The following NRG4 variants were observed in gnomAD, a reference collection of about 807,000 sequenced individuals.
NRG4 encodes the protein pro-neuregulin-4, membrane-bound isoform.
Under a neutral mutation model 15.0 loss-of-function variants are expected in NRG4, and 10 were observed. That is an observed-to-expected ratio of 0.67 (90% CI 0.41 to 1.13). NRG4 has a LOEUF of 1.13. Among genes scored for constraint, NRG4 ranks in the 50% most tolerant of loss-of-function variants. NRG4 has a pLI of 0.00. For missense variants in NRG4, 139 were observed against 140.2 expected (o/e 0.99, Z 0.04); for synonymous variants, 41 against 50.1 (o/e 0.82, Z 0.77).
At position 76,050,437 on chromosome 15, in the gene NRG4, GTTTTTTT is replaced by G. The variant is rs71444951; in HGVS notation, c.-105+1623_-105+1629del. ...AGCATTATTGTCACCCCGAGCCTTC[GTTTTTTT>G]TTTTTTTTTTTTTTTGAAACGGAGT... On this transcript the variant is annotated intron_variant, in intron 4 of 8. Coordinates refer to the NRG4 transcript ENST00000563910. 4.6e-4 allele frequency among the ~76,000 whole-genome samples: 42 copies of G among 91,876 alleles called. 2 individuals are homozygous for G. Among genetic ancestry groups the G allele is most frequent in the Non-Finnish European group, 4.9e-4 (23 of 47,022 alleles). The allele number at this position is 91,876 out of a possible 152,430, so 60.3% of individuals were successfully genotyped here. A position where few individuals can be genotyped will look rare whatever the true frequency, so the allele number is the denominator to read the frequency against.
chr15:76,013,318 C>T (rs2034876087), upstream of NRG4, among the ~76,000 whole-genome samples: 1 of 151,484 alleles, frequency 6.6e-6, no homozygotes, highest in Admixed American at 6.6e-5. Flanking sequence ...CAGAGTGAGA[C>T]TCCGTCTCAA....
intron 4 of NRG4, among the ~76,000 whole-genome samples, chr15:75,958,847 T>A (rs1251288681): frequency 6.6e-6 from 1 of 152,222 alleles, no homozygotes; most frequent in East Asian, 1.9e-4. Flanking sequence ...GTCTCCTTTC[T>A]GAAACTTTGC....
intron 5 of NRG4, among the ~76,000 whole-genome samples, chr15:76,033,438 T>C (rs902584508): frequency 1.3e-5 from 2 of 152,174 alleles, no homozygotes; most frequent in African/African-American, 2.4e-5. Flanking sequence ...CATATAACCA[T>C]TATTTACTAA....
chr15:76,016,323 G>A (rs932669612), upstream of NRG4, among the ~76,000 whole-genome samples: 15 of 151,836 alleles, frequency 9.9e-5, no homozygotes, highest in African/African-American at 3.4e-4. Flanking sequence ...AGTGTTTTTC[G>A]TGTCTCTATC....
chr15:76,000,810 A>T (rs577521246), intron 3 of NRG4, among the ~76,000 whole-genome samples: 1 of 152,312 alleles, frequency 6.6e-6, no homozygotes, highest in East Asian at 1.9e-4. Context: ...GGCTAAATAC[A>T]TGATGGTATA....
chr15:75,950,824 CTTT>C (rs2141782011), intron 5 of NRG4: 1 of 152,916 alleles, frequency 6.5e-6, no homozygotes, highest in East Asian at 1.9e-4. Context: ...ATTGGATTGA[CTTT>C]TTATTATTGA....
chr15:76,015,775 G>A (rs912829187), upstream of NRG4, among the ~76,000 whole-genome samples: 2 of 152,084 alleles, frequency 1.3e-5, no homozygotes, highest in African/African-American at 2.4e-5. Context: ...TTTTCACATC[G>A]ATATTCATCA....
chr15:76,011,630 T>A (rs1454200061), intron 1 of NRG4, among the ~76,000 whole-genome samples: 2 of 152,168 alleles, frequency 1.3e-5, no homozygotes, highest in Admixed American at 6.5e-5. Flanking sequence ...ACATGAACGA[T>A]GAGACAGTAA....
chr15:76,031,707 T>G (rs2035476449), intron 5 of NRG4, among the ~76,000 whole-genome samples: 1 of 151,734 alleles, frequency 6.6e-6, no homozygotes, highest in African/African-American at 2.4e-5. Flanking sequence ...CTCCAAAGAT[T>G]AGCTGGATGT....
chr15:75,982,348 C>A (rs1209235485), intron 3 of NRG4, among the ~76,000 whole-genome samples: 1 of 152,150 alleles, frequency 6.6e-6, no homozygotes, highest in Non-Finnish European at 1.5e-5. Flanking sequence ...TAATACAATT[C>A]ATCATGTAGA....
intron 4 of NRG4, among the ~76,000 whole-genome samples, chr15:75,958,335 A>G (rs2032347824): frequency 6.6e-6 from 1 of 152,158 alleles, no homozygotes; most frequent in South Asian, 2.1e-4. Context: ...TTTTTGATAC[A>G]TATTAAACAT....
chr15:75,974,207 G>A lies in NRG4; in HGVS notation c.105-12233C>T, dbSNP rs111601409. 7.5e-3 allele frequency among the ~76,000 whole-genome samples: 1,146 copies of A among 152,224 alleles called. 12 individuals carry two copies. The highest frequency in any genetic ancestry group is 0.026 in the African/African-American group (1,081 of 41,528). ...TAGTTTGTATTTCTGTGGGATCAGT[G>A]GTGATATCCCCTTTATCATTTTTAT... On this transcript the variant is annotated intron_variant, in intron 3 of 5. Transcript: ENST00000394907.
At chr15:75,969,080 T>G in intron 3 of NRG4, 1 of 396,136 alleles carries the variant, frequency 2.5e-6, no homozygotes, top group East Asian at 7.4e-5. Flanking sequence ...CACCAGACAC[T>G]CAATTAAACC....
intron 2 of NRG4, among the ~76,000 whole-genome samples, chr15:76,010,403 C>T (rs941260630): frequency 6.6e-6 from 1 of 152,050 alleles, no homozygotes; most frequent in African/African-American, 2.4e-5. Flanking sequence ...AATTATCTAG[C>T]ATTTATGTGC....
At chr15:76,022,425 T>TAC (rs67005026) in intron 5 of NRG4, among the ~76,000 whole-genome samples, 18,238 of 149,460 alleles carry the variant, frequency 0.12, 1,343 homozygotes, top group Admixed American at 0.25. Flanking sequence ...TCAATATTTT[T>TAC]ACACACACAC....
At position 76,052,378 on chromosome 15, in the gene NRG4, T is replaced by C. The variant is rs1020469062; in HGVS notation, c.-215-201A>G. Among the ~76,000 whole-genome samples the C allele has an allele frequency of 1.5e-4, 23 of 151,068 alleles. 2 individuals are homozygous for C. The highest frequency in any genetic ancestry group is 5.7e-4 in the African/African-American group (23 of 40,578). On this transcript the variant is annotated intron_variant, in intron 3 of 8. Coordinates refer to the NRG4 transcript ENST00000563910. ...TTTCCCCCTTTCACAACTTTTTAAG[T>C]CCCAGAAAAACTACTGTTACTATTT...
chr15:75,990,607 C>T (rs2033971635), intron 3 of NRG4, among the ~76,000 whole-genome samples: 2 of 151,098 alleles, frequency 1.3e-5, no homozygotes, highest in Admixed American at 1.3e-4. Flanking sequence ...CTTCTGATAT[C>T]TGTAGGTTCA....
intron 5 of NRG4, among the ~76,000 whole-genome samples, chr15:76,028,175 TA>T (rs1374533133): frequency 6.7e-6 from 1 of 150,316 alleles, no homozygotes; most frequent in Non-Finnish European, 1.5e-5. Context: ...AGAGCAGAAA[TA>T]AATAAAATTG....
At chr15:75,940,651 A>G (rs1185192079), downstream of NRG4, 1 of 152,134 alleles carries the variant, frequency 6.6e-6, no homozygotes, top group Non-Finnish European at 1.5e-5. Flanking sequence ...CGGATAGACC[A>G]ATGGGATAGA....
Sources: gnomAD v4.1 joint callset for allele counts (sites outside exome capture counted in the v4.1 genomes callset) on GRCh38, gnomAD v4.1.1 for gene constraint, MANE v1.5 for transcripts, NCBI Gene and HGNC (gene_info 2026-07-23, HGNC 2026-07-21) for gene names.